ALG14: variants seen among roughly 807,000 people sequenced by gnomAD.
ALG14 encodes UDP-N-acetylglucosamine transferase subunit ALG14.
In ALG14, 17 loss-of-function variants were observed where a neutral mutation model predicts 22.8. That is an observed-to-expected ratio of 0.75 (90% CI 0.51 to 1.12). The LOEUF (loss-of-function observed/expected upper bound fraction) is 1.12, where lower values mean the gene tolerates loss of function less well. ALG14 is among the 50% of genes most tolerant of loss of function. ALG14 has a pLI of 0.00. For missense variants in ALG14, 288 were observed against 271.8 expected, an observed-to-expected ratio of 1.06 and a Z score of -0.42; for synonymous variants, 89 against 103.7, an observed-to-expected ratio of 0.86 and a Z score of 0.86.
At position 95,008,796 on chromosome 1, in the gene ALG14, C is replaced by T. The variant is rs1230522390; in HGVS notation, c.420+18333G>A. Among the ~76,000 whole-genome samples, 4 of 152,002 alleles carry T rather than the reference C, an allele frequency of 2.6e-5. No homozygotes were observed. In the South Asian group the frequency reaches 6.2e-4, roughly 24 times the overall value. ...CATTTTTGTGATTACAAACAGATAC[C>T]GTGTATCCCTTAACCAATAATTTCC... On this transcript the variant is annotated intron_variant, in intron 3 of 3. Transcript: ENST00000370205.
intron 3 of ALG14, among the ~76,000 whole-genome samples, chr1:95,002,688 C>T (rs1244893691): frequency 5.9e-5 from 9 of 152,134 alleles, no homozygotes; most frequent in Admixed American, 5.9e-4. Context: ...GACAAGATTC[C>T]TCCTGCAGGC....
At position 94,977,365 on chromosome 1, in the gene ALG14, A is replaced by G. The variant is rs568484373; in HGVS notation, c.*5711T>C. On this transcript the variant is annotated 3_prime_UTR_variant, in exon 4 of 4. Transcript: ENST00000370205. ...TCGCTGATGTGACATTATGTAAAGC[A>G]GCAGTTCTTAAAATGTGGTCCAAGG... 6.6e-5 allele frequency: 10 copies of G among 152,374 alleles called. No homozygotes were observed. The highest frequency in any genetic ancestry group is 2.4e-4 in the African/African-American group (10 of 41,586). 9.4% of individuals were successfully genotyped at this position (152,374 alleles called of 1,614,324 possible).
chr1:95,058,087 A>G (rs888197164), intron 2 of ALG14, among the ~76,000 whole-genome samples: 7 of 151,432 alleles, frequency 4.6e-5, no homozygotes, highest in African/African-American at 7.3e-5. Flanking sequence ...GGAGATCGAG[A>G]CCATCCTGGC....
intron 3 of ALG14, among the ~76,000 whole-genome samples, chr1:95,020,090 C>T (rs1046490106): frequency 4.6e-5 from 7 of 151,720 alleles, no homozygotes; most frequent in Admixed American, 3.9e-4. Flanking sequence ...TGGTGTCATG[C>T]GTCTATAATC....
chr1:95,042,726 C>T (rs973967945), intron 2 of ALG14, among the ~76,000 whole-genome samples: 5 of 152,188 alleles, frequency 3.3e-5, no homozygotes, highest in African/African-American at 7.2e-5. Context: ...TTCTCTTCAT[C>T]GTTAGTTCTG....
intron 3 of ALG14, among the ~76,000 whole-genome samples, chr1:95,004,284 C>T (rs979733693): frequency 6.8e-6 from 1 of 147,994 alleles, no homozygotes; most frequent in African/African-American, 2.5e-5. Context: ...TGCAGTGACA[C>T]GATCTTGGCT....
rs924051514 is a variant in ALG14, at chr1:94,979,435, A to G, written c.*3641T>C. On this transcript the variant is annotated 3_prime_UTR_variant, in exon 4 of 4. Transcript: ENST00000370205. ...CCACAGGTGTTTCCTCAGTTCCTCA[A>G]TAAAACTTGCTCATCAAGCAAGAAA... 1 of 152,136 alleles carries G rather than the reference A, an allele frequency of 6.6e-6. No homozygotes were observed. The highest frequency in any genetic ancestry group is 2.4e-5 in the African/African-American group (1 of 41,432). The allele number at this position is 152,136 out of a possible 1,614,324, so 9.4% of individuals were successfully genotyped here. A position where few individuals can be genotyped will look rare whatever the true frequency, so the allele number is the denominator to read the frequency against.
intron 2 of ALG14, among the ~76,000 whole-genome samples, chr1:95,051,386 C>T (rs540368949): frequency 4.6e-5 from 7 of 152,266 alleles, no homozygotes; most frequent in East Asian, 3.9e-4. Flanking sequence ...TTCCTTCTCC[C>T]GCATCCACTC....
intron 3 of ALG14, among the ~76,000 whole-genome samples, chr1:95,011,715 G>A (rs992192202): frequency 3.9e-5 from 6 of 152,086 alleles, no homozygotes; most frequent in South Asian, 4.2e-4. Context: ...GTGCCCAGCC[G>A]AAAAATAAAT....
At chr1:95,017,555 C>CA (rs1027029603) in intron 3 of ALG14, among the ~76,000 whole-genome samples, 1 of 151,894 alleles carries the variant, frequency 6.6e-6, no homozygotes, top group African/African-American at 2.4e-5. Context: ...ACAGGGGCTT[C>CA]AACATGATCC....
chr1:95,050,071 C>G (rs953633431), intron 2 of ALG14, among the ~76,000 whole-genome samples: 6 of 152,118 alleles, frequency 3.9e-5, no homozygotes, highest in African/African-American at 1.2e-4. Flanking sequence ...TTTGGAGGAG[C>G]AAGCCTGTGT....
chr1:95,010,142 C>T (rs1287027049), intron 3 of ALG14, among the ~76,000 whole-genome samples: 4 of 152,028 alleles, frequency 2.6e-5, no homozygotes, highest in African/African-American at 9.7e-5. Flanking sequence ...CTCTCATGTC[C>T]CCTCATTGTC....
At chr1:95,054,404 C>T (rs914636628) in intron 2 of ALG14, among the ~76,000 whole-genome samples, 2 of 152,162 alleles carry the variant, frequency 1.3e-5, no homozygotes, top group Non-Finnish European at 2.9e-5. Context: ...TCCTCCTTTG[C>T]CTTCTGCCAT....
intron 3 of ALG14, among the ~76,000 whole-genome samples, chr1:94,999,250 C>G (rs746192651): frequency 1.3e-5 from 2 of 150,158 alleles, no homozygotes; most frequent in Admixed American, 6.6e-5. Flanking sequence ...TTAAATCCCT[C>G]CACCCCCACC....
At chr1:95,004,215 CTT>C (rs869303546) in intron 3 of ALG14, among the ~76,000 whole-genome samples, 19 of 117,072 alleles carry the variant, frequency 1.6e-4, no homozygotes, top group African/African-American at 2.8e-4. Context: ...GGGTAATTAA[CTT>C]TTTTTTTTTT....
In ALG14 at chr1:95,072,893, C is replaced by T; in HGVS notation, c.6G>A (p.Val2=). 2.5e-6 allele frequency: 4 copies of T among 1,614,032 alleles called. No homozygotes were observed. Among genetic ancestry groups the T allele is most frequent in the Non-Finnish European group, 3.4e-6 (4 of 1,180,004 alleles). Residue 2 remains valine, a synonymous_variant, in exon 1 of 4, where the codon GTG becomes GTA. Transcript: ENST00000370205. ...CGGCCGCAGCTAGAACGAGAACGCA[C>T]ACCATGCAGAGAAACGGCGCATGCG... The part of the protein sequence containing the change: M[V]CVLVLAAAAG...
chr1:95,036,608 G>A (rs1285628925), intron 2 of ALG14, among the ~76,000 whole-genome samples: 1 of 151,810 alleles, frequency 6.6e-6, no homozygotes, highest in Non-Finnish European at 1.5e-5. Context: ...TGTAGTTTTA[G>A]TAGAGACGGG....
At chr1:95,035,174 T>TTTTTG (rs148790974) in intron 2 of ALG14, among the ~76,000 whole-genome samples, 2,919 of 152,220 alleles carry the variant, frequency 0.019, 98 homozygotes, top group African/African-American at 0.067. Flanking sequence ...AGAAAGGATG[T>TTTTTG]TTTTGTTTTG....
chr1:94,994,219 G>A, intron 3 of ALG14, among the ~76,000 whole-genome samples: 1 of 152,222 alleles, frequency 6.6e-6, no homozygotes, highest in East Asian at 1.9e-4. Context: ...TCTGGACCAA[G>A]GTGATGATTT....
Sources: gnomAD v4.1 joint callset for allele counts (sites outside exome capture counted in the v4.1 genomes callset) on GRCh38, gnomAD v4.1.1 for gene constraint, MANE v1.5 for transcripts, NCBI Gene and HGNC (gene_info 2026-07-23, HGNC 2026-07-21) for gene names.